The following COPS4 variants were observed in gnomAD, a reference collection of about 807,000 sequenced individuals.
The protein encoded by COPS4 is COP9 signalosome subunit 4.
A neutral mutation model predicts 55.1 loss-of-function variants in COPS4; 8 were observed. The ratio of observed to expected loss-of-function variants is 0.15; its 90% CI spans 0.09 to 0.26. The LOEUF is 0.26. Among genes scored for constraint, COPS4 ranks in the 10% least tolerant of loss-of-function variants. COPS4 has a pLI of 1.00. For synonymous variants in COPS4, 185 were observed against 165.7 expected (o/e 1.12, Z -0.90); for missense variants, 248 against 484.0 (o/e 0.51, Z 4.58).
intron 9 of COPS4, among the ~76,000 whole-genome samples, chr4:83,075,093 A>G (rs1731539986): frequency 6.6e-6 from 1 of 152,034 alleles, no homozygotes; most frequent in Non-Finnish European, 1.5e-5. Flanking sequence ...GTCTAGCCTG[A>G]GTGACAGAGC....
At chr4:83,075,191 A>C (rs1487416082) in intron 9 of COPS4, 106 bp from the exon 10 acceptor site, 2 of 927,450 alleles carry the variant, frequency 2.2e-6, no homozygotes, top group African/African-American at 3.4e-5. Flanking sequence ...TAAAAGGAAC[A>C]TGCCTCTTCC....
intron 6 of COPS4, among the ~76,000 whole-genome samples, chr4:83,061,542 A>T (rs1189763060): frequency 3.3e-5 from 5 of 152,202 alleles, no homozygotes; most frequent in African/African-American, 1.2e-4. Context: ...CATTGTATGA[A>T]TATACCACAA....
At chr4:83,049,077 T>C in intron 2 of COPS4, 89 bp from the exon 3 acceptor site, 1 of 1,198,086 alleles carries the variant, frequency 8.3e-7, no homozygotes. Flanking sequence ...ATATAGATTG[T>C]TGTTAGTATT....
chr4:83,044,213 G>C (rs370157432), intron 1 of COPS4, among the ~76,000 whole-genome samples: 21 of 152,232 alleles, frequency 1.4e-4, no homozygotes, highest in Admixed American at 9.2e-4. Context: ...GGGAGCCCGA[G>C]GTGGGCGGAT....
chr4:83,056,483 G>A (rs1731017585), intron 4 of COPS4, among the ~76,000 whole-genome samples: 1 of 152,106 alleles, frequency 6.6e-6, no homozygotes, highest in African/African-American at 2.4e-5. Context: ...AAACTTTTTA[G>A]TTTTTGTGTA....
chr4:83,056,556 T>C (rs1731019725), intron 4 of COPS4, among the ~76,000 whole-genome samples: 1 of 152,166 alleles, frequency 6.6e-6, no homozygotes, highest in Admixed American at 6.5e-5. Flanking sequence ...CCCAGCACTT[T>C]GGGAGGCCGA....
chr4:83,043,327 G>C (rs1730613094), intron 1 of COPS4, among the ~76,000 whole-genome samples: 1 of 151,536 alleles, frequency 6.6e-6, no homozygotes, highest in African/African-American at 2.4e-5. Flanking sequence ...GACCAGTTTG[G>C]GCAATGTAGT....
intron 1 of COPS4, among the ~76,000 whole-genome samples, chr4:83,037,713 C>T (rs1489527858): frequency 2.0e-5 from 3 of 151,690 alleles, no homozygotes; most frequent in Non-Finnish European, 4.4e-5. Context: ...TTTTTAGGAG[C>T]TGAGTAACAA....
chr4:83,070,893 T>C (rs1172420777), intron 9 of COPS4, among the ~76,000 whole-genome samples: 5 of 152,240 alleles, frequency 3.3e-5, no homozygotes, highest in Non-Finnish European at 5.9e-5. Flanking sequence ...CAAAAGCTGG[T>C]CCTGGTCCTT....
In COPS4 at chr4:83,066,530, CT is replaced by C; in HGVS notation, c.983del (p.Leu328Ter). The C allele has an allele frequency of 6.3e-7, 1 of 1,585,056 alleles. No homozygotes were observed. Among genetic ancestry groups the C allele is most frequent in the Non-Finnish European group, 8.6e-7 (1 of 1,162,580 alleles). On this transcript the variant is annotated frameshift_variant, in exon 8 of 10. Coordinates refer to ENST00000264389, the MANE Select transcript of COPS4 (RefSeq NM_016129.3). LOFTEE classifies it high-confidence loss of function. Reference sequence around the variant, plus strand: ...TATTACCTTCGAAGAACTTGGAGCTCTTTTAGAGATCCCTGCAGCTAAGGTA... The same window carrying C: ...TATTACCTTCGAAGAACTTGGAGCTCTTTAGAGATCCCTGCAGCTAAGGTA... ...NNITFEELGA[L>X]LEIPAAKAEK...
chr4:83,041,850 T>A (rs2126127733), intron 1 of COPS4, among the ~76,000 whole-genome samples: 1 of 152,182 alleles, frequency 6.6e-6, no homozygotes, highest in East Asian at 1.9e-4. Flanking sequence ...TTTGTTTTTG[T>A]ATTATTGTAA....
At chr4:83,075,015 G>A (rs1009255082) in intron 9 of COPS4, among the ~76,000 whole-genome samples, 8 of 151,872 alleles carry the variant, frequency 5.3e-5, no homozygotes, top group African/African-American at 1.7e-4. Flanking sequence ...TGCTTGGGAG[G>A]CTGAGTCAGG....
rs199952331 is a variant in COPS4, at chr4:83,060,971, T to C, written c.716-2105T>C. ...ATCATTTGAACCCGGGAGGCAGAGA[T>C]TGCAGCGAGCTGAGATCGCGCCATT... On this transcript the variant is annotated intron_variant, in intron 6 of 9. Transcript: ENST00000264389. 5.9e-5 allele frequency among the ~76,000 whole-genome samples: 9 copies of C among 151,528 alleles called. No homozygotes were observed. In the East Asian group the frequency reaches 1.6e-3, roughly 26 times the overall value.
intron 6 of COPS4, among the ~76,000 whole-genome samples, chr4:83,059,413 T>A (rs562811411): frequency 2.0e-5 from 3 of 152,318 alleles, no homozygotes; most frequent in South Asian, 2.1e-4. Flanking sequence ...AGGACCCCTT[T>A]ACACTCTGAA....
chr4:83,069,471 G>A (rs913233660), intron 9 of COPS4, among the ~76,000 whole-genome samples: 11 of 152,144 alleles, frequency 7.2e-5, no homozygotes, highest in Admixed American at 5.9e-4. Context: ...CATCAGACAG[G>A]CTGATACCTC....
chr4:83,035,414 A>T, intron 1 of COPS4, 116 bp downstream of exon 1: 1 of 857,194 alleles, frequency 1.2e-6, no homozygotes, highest in Non-Finnish European at 1.8e-6. Context: ...CCTGACGTCC[A>T]AGGGGGCGGG....
chr4:83,049,610 C>T (rs1256299416), intron 3 of COPS4: 8 of 459,694 alleles, frequency 1.7e-5, no homozygotes, highest in Admixed American at 8.2e-5. Context: ...ACTCCAGCAT[C>T]GTGTATGCAG....
intron 2 of COPS4, among the ~76,000 whole-genome samples, chr4:83,046,652 G>A (rs1489211744): frequency 6.6e-6 from 1 of 152,114 alleles, no homozygotes; most frequent in African/African-American, 2.4e-5. Flanking sequence ...TATGTCTGTA[G>A]GCCATTATCC....
chr4:83,049,399 A>G, intron 3 of COPS4, 82 bp downstream of exon 3: 1 of 1,243,076 alleles, frequency 8.0e-7, no homozygotes, highest in Non-Finnish European at 1.1e-6. Flanking sequence ...TTCTTAAAGG[A>G]GATAATCATC....
Sources: gnomAD v4.1 joint callset for allele counts (sites outside exome capture counted in the v4.1 genomes callset) on GRCh38, gnomAD v4.1.1 for gene constraint, MANE v1.5 for transcripts, NCBI Gene and HGNC (gene_info 2026-07-23, HGNC 2026-07-21) for gene names.